Variants in CLCN7 observed in about 807,000 individuals in gnomAD.
CLCN7 encodes the protein Cl-/H+ antiporter 7, also known as H(+)/Cl(-) exchange transporter 7.
CLCN7 carries 60 observed loss-of-function variants against 102.1 expected under a neutral mutation model. That is an observed-to-expected ratio of 0.59 (90% CI 0.48 to 0.73). CLCN7 has a LOEUF of 0.73. CLCN7 is among the 30% of genes least tolerant of loss of function. The probability of loss-of-function intolerance (pLI) is 0.00; values close to 1 mark genes in which losing one functional copy is unlikely to be tolerated. For missense variants in CLCN7, 962 were observed against 1,125.7 expected, an observed-to-expected ratio of 0.85 and a Z score of 2.08; for synonymous variants, 560 against 490.5, an observed-to-expected ratio of 1.14 and a Z score of -1.87.
intron 1 of CLCN7, 128 bp from the exon 2 acceptor site, chr16:1,465,466 G>A: frequency 1.2e-6 from 1 of 832,994 alleles, no homozygotes; most frequent in Non-Finnish European, 2.0e-6. Context: ...GGCTAGGCCA[G>A]GCCTGCCTGC....
chr16:1,462,267 A>G (rs572851556), intron 2 of CLCN7, among the ~76,000 whole-genome samples: 1 of 148,770 alleles, frequency 6.7e-6, no homozygotes, highest in East Asian at 2.1e-4. Flanking sequence ...GGTGGCTCAC[A>G]CCTGTAATCC....
chr16:1,452,148 T>C (rs896090845), intron 15 of CLCN7: 5 of 291,522 alleles, frequency 1.7e-5, no homozygotes, highest in East Asian at 8.5e-5. Context: ...TGGAGCAGAG[T>C]GTAGCAAGGC....
chr16:1,456,088 T>G (rs113572280), intron 10 of CLCN7, 25 bp downstream of exon 10: 92 of 1,523,054 alleles, frequency 6.0e-5, no homozygotes, highest in Non-Finnish European at 8.1e-5. Context: ...GGGCAAAGCA[T>G]TGGACCCGGT....
chr16:1,450,387 C>T (rs932403780), intron 17 of CLCN7, 110 bp downstream of exon 17: 13 of 1,158,644 alleles, frequency 1.1e-5, no homozygotes, highest in African/African-American at 1.5e-5. Context: ...CCGTGAACCA[C>T]GTGAGGTGCG....
chr16:1,461,680 G>A lies in CLCN7; in HGVS notation c.214-6C>T. ...GGATGTGGAGGGTCCATATCCTGTGGCAGAAAAAGGCAAAGAGAGAAGCAC... is the reference window on the plus strand; with the variant it reads ...GGATGTGGAGGGTCCATATCCTGTGACAGAAAAAGGCAAAGAGAGAAGCAC... On this transcript the variant is annotated splice_polypyrimidine_tract_variant and splice_region_variant and intron_variant, in intron 2 of 24. Coordinates refer to ENST00000382745, the MANE Select transcript of CLCN7 (RefSeq NM_001287.6). 3.1e-6 allele frequency: 5 copies of A among 1,613,344 alleles called. No individual in the cohort carries two copies. Among genetic ancestry groups the A allele is most frequent in the Non-Finnish European group, 4.2e-6 (5 of 1,179,470 alleles).
chr16:1,462,698 T>G (rs1445033525), intron 2 of CLCN7, among the ~76,000 whole-genome samples: 2 of 138,988 alleles, frequency 1.4e-5, no homozygotes, highest in African/African-American at 5.7e-5. Context: ...CCAGGCATGG[T>G]ACTGGCATGA....
At chr16:1,461,995 GA>G (rs745732194) in intron 2 of CLCN7, among the ~76,000 whole-genome samples, 1 of 151,916 alleles carries the variant, frequency 6.6e-6, no homozygotes, top group Non-Finnish European at 1.5e-5. Flanking sequence ...TGAGGCAGGA[GA>G]ATCGCTTGAA....
At chr16:1,474,066 T>C in intron 1 of CLCN7, 1 of 437,950 alleles carries the variant, frequency 2.3e-6, no homozygotes, top group Non-Finnish European at 4.5e-6. Context: ...CCTGGGCAAC[T>C]ACAGTGAAAC....
At chr16:1,455,984 T>C (rs2038829269) in intron 10 of CLCN7, 129 bp downstream of exon 10, 1 of 1,019,304 alleles carries the variant, frequency 9.8e-7, no homozygotes, top group Admixed American at 2.1e-5. Flanking sequence ...GCCGGCCGCT[T>C]CCAAATGCCC....
intron 13 of CLCN7, 34 bp from the exon 14 acceptor site, chr16:1,453,928 G>A (rs750000873): frequency 4.7e-5 from 75 of 1,609,198 alleles, no homozygotes; most frequent in Admixed American, 1.3e-4. Flanking sequence ...CAGCGACACC[G>A]GAGGAAAAGT....
At position 1,446,034 on chromosome 16, in the gene CLCN7, G is replaced by A; in HGVS notation, c.*597C>T. ...ACCCAAGCCGGATGCAGGCCGGGGA[G>A]TGCACGTGGGGCTCCTCTGTGGCGC... On this transcript the variant is annotated 3_prime_UTR_variant, in exon 25 of 25. Coordinates refer to ENST00000382745, the MANE Select transcript of CLCN7 (RefSeq NM_001287.6). 2 of 563,522 alleles carry A rather than the reference G, an allele frequency of 3.5e-6. No homozygotes were observed. Among genetic ancestry groups the A allele is most frequent in the South Asian group, 4.5e-5 (2 of 44,206 alleles). The allele number at this position is 563,522 out of a possible 1,614,324, so 34.9% of individuals were successfully genotyped here. A position where few individuals can be genotyped will look rare whatever the true frequency, so the allele number is the denominator to read the frequency against.
intron 17 of CLCN7, chr16:1,449,879 C>A: frequency 1.1e-5 from 2 of 181,848 alleles, no homozygotes; most frequent in South Asian, 2.3e-4. Flanking sequence ...ATTTTAAAAA[C>A]CAAACCAAAC....
chr16:1,449,213 C>G, intron 18 of CLCN7, 63 bp downstream of exon 18: 1 of 1,569,256 alleles, frequency 6.4e-7, no homozygotes, highest in Non-Finnish European at 8.6e-7. Flanking sequence ...CCCGCAAGGA[C>G]AGCCATGGCC....
intron 15 of CLCN7, chr16:1,452,193 C>T: frequency 3.8e-6 from 1 of 262,402 alleles, no homozygotes. Flanking sequence ...TCCCACGTCT[C>T]TAACGGTTCA....
intron 17 of CLCN7, 121 bp from the exon 18 acceptor site, chr16:1,449,448 G>A: frequency 1.1e-6 from 1 of 873,238 alleles, no homozygotes; most frequent in South Asian, 1.5e-5. Flanking sequence ...AAACCTCGTG[G>A]CCGCGTACAT....
intron 1 of CLCN7, among the ~76,000 whole-genome samples, chr16:1,469,595 A>G (rs2039049348): frequency 6.6e-6 from 1 of 152,206 alleles, no homozygotes; most frequent in Admixed American, 6.5e-5. Flanking sequence ...CTGAGGCAGG[A>G]GAATCACTTG....
At position 1,446,429 on chromosome 16, in the gene CLCN7, A is replaced by AG. The variant is rs1567262521; in HGVS notation, c.*201dup. On this transcript the variant is annotated 3_prime_UTR_variant, in exon 25 of 25. Transcript: ENST00000382745. ...GCTGGGCCTGCGCAAGGAGGCGCCAAGGGGGGAGACCACTGCCCACAACAG... is the reference window on the plus strand; with the variant it reads ...GCTGGGCCTGCGCAAGGAGGCGCCAAGGGGGGGAGACCACTGCCCACAACAG... The AG allele has an allele frequency of 2.8e-6, 2 of 703,702 alleles. No homozygotes were observed. Among genetic ancestry groups the AG allele is most frequent in the Non-Finnish European group, 5.2e-6 (2 of 386,022 alleles). 43.6% of individuals were successfully genotyped at this position (703,702 alleles called of 1,614,324 possible).
intron 9 of CLCN7, among the ~76,000 whole-genome samples, chr16:1,456,700 G>A (rs1301189698): frequency 6.6e-6 from 1 of 152,084 alleles, no homozygotes. Context: ...ACTTAGCCAG[G>A]CGTGGTGGCG....
At chr16:1,473,084 G>GA (rs1425544386) in intron 1 of CLCN7, among the ~76,000 whole-genome samples, 2 of 143,950 alleles carry the variant, frequency 1.4e-5, no homozygotes, top group East Asian at 2.0e-4. Flanking sequence ...TTTTAAAACA[G>GA]AAACACACAC....
Sources: allele counts gnomAD v4.1 joint callset (sites outside exome capture counted in the v4.1 genomes callset), GRCh38; gene constraint gnomAD v4.1.1; transcripts MANE v1.5; gene names NCBI Gene and HGNC (gene_info 2026-07-23, HGNC 2026-07-21).